POLA1: variants seen among roughly 807,000 people sequenced by gnomAD.
POLA1 encodes DNA polymerase alpha 1, catalytic subunit.
Under a neutral mutation model 124.0 loss-of-function variants are expected in POLA1, and 15 were observed. The ratio of observed to expected loss-of-function variants is 0.12; its 90% CI spans 0.08 to 0.19. The LOEUF (loss-of-function observed/expected upper bound fraction) is 0.19, where lower values mean the gene tolerates loss of function less well. Among genes scored for constraint, POLA1 ranks in the 10% least tolerant of loss-of-function variants. The pLI, the probability that POLA1 is intolerant of heterozygous loss-of-function variation, is 1.00. For missense variants in POLA1, 886 were observed against 1,103.4 expected (o/e 0.80, Z 2.79); for synonymous variants, 408 against 389.4 (o/e 1.05, Z -0.56).
intron 26 of POLA1, among the ~76,000 whole-genome samples, chrX:24,803,808 C>G (rs955213920): frequency 9.2e-6 from 1 of 108,914 alleles, no homozygotes; most frequent in African/African-American, 3.4e-5. Context: ...TGTGAGGAAT[C>G]TCAACCTCTT....
intron 20 of POLA1, 107 bp downstream of exon 20, chrX:24,739,657 A>AG: frequency 2.1e-6 from 1 of 469,092 alleles, no homozygotes; most frequent in Non-Finnish European, 3.5e-6. Context: ...GGTGTTGTAG[A>AG]GGGGAAATTG....
intron 4 of POLA1, among the ~76,000 whole-genome samples, 163 bp from the exon 5 acceptor site, chrX:24,714,391 C>T (rs775364301): frequency 8.9e-5 from 10 of 112,397 alleles, no homozygotes; most frequent in African/African-American, 3.2e-4. Flanking sequence ...CTCCTGATCT[C>T]GTGATCCTCC....
chrX:24,810,816 GA>G lies in POLA1; in HGVS notation c.3090+19del. On this transcript the variant is annotated intron_variant, in intron 28 of 36. Coordinates refer to ENST00000379068, the MANE Select transcript of POLA1 (RefSeq NM_001330360.2). The stretch of plus-strand genomic sequence containing the variant: ...GGGAAACAAGGTGAGATAATTTTAT[GA>G]AATTATCTGCTTTACCTATTTTTGT... 2.5e-6 allele frequency: 2 copies of G among 794,287 alleles called. No individual in the cohort carries two copies. Among genetic ancestry groups the G allele is most frequent in the Non-Finnish European group, 3.8e-6 (2 of 527,768 alleles). The allele number at this position is 794,287 out of a possible 1,213,427, so 65.5% of individuals were successfully genotyped here.
intron 34 of POLA1, among the ~76,000 whole-genome samples, chrX:24,869,037 G>A (rs11573446): frequency 0.04 from 4,450 of 111,658 alleles, 212 homozygotes; most frequent in African/African-American, 0.14. Flanking sequence ...CTGGTCAAGC[G>A]AACCTCCCAA....
At chrX:24,790,913 A>ATG (rs1185053605) in intron 26 of POLA1, among the ~76,000 whole-genome samples, 1 of 60,199 alleles carries the variant, frequency 1.7e-5, no homozygotes, top group Non-Finnish European at 3.3e-5. Flanking sequence ...ATGTATATGT[A>ATG]TATATATATA....
chrX:24,931,110 C>T (rs1272560315), intron 36 of POLA1, among the ~76,000 whole-genome samples: 4 of 110,964 alleles, frequency 3.6e-5, no homozygotes, highest in Non-Finnish European at 7.5e-5. Flanking sequence ...CACTGTGGGA[C>T]TTAATGGGTC....
chrX:24,880,219 A>G (rs2046985063), intron 34 of POLA1, among the ~76,000 whole-genome samples: 1 of 112,118 alleles, frequency 8.9e-6, no homozygotes, highest in Non-Finnish European at 1.9e-5. Flanking sequence ...AACTGATGGC[A>G]GAGTCTGGTC....
rs550130967 is a variant in POLA1, at chrX:24,780,671, G to T, written c.2965-29227G>T. 2.2e-4 allele frequency among the ~76,000 whole-genome samples: 25 copies of T among 111,965 alleles called. No individual in the cohort carries two copies. The South Asian group carries it at 9.3e-3, about 42-fold the overall frequency. On this transcript the variant is annotated intron_variant, in intron 26 of 36. Transcript: ENST00000379068. Reference sequence around the variant, plus strand: ...GCATTTCTGGGCTAAACCCCACTTGGTCATGTCTATGAATACTTTATTTTT... The same window carrying T: ...GCATTTCTGGGCTAAACCCCACTTGTTCATGTCTATGAATACTTTATTTTT...
At chrX:24,775,524 C>T (rs1311671399) in intron 26 of POLA1, among the ~76,000 whole-genome samples, 1 of 112,106 alleles carries the variant, frequency 8.9e-6, no homozygotes, top group Non-Finnish European at 1.9e-5. Flanking sequence ...CACACGAGCA[C>T]TGTGGGGATG....
chrX:24,938,365 G>T (rs1475682268), intron 36 of POLA1, among the ~76,000 whole-genome samples: 1 of 111,424 alleles, frequency 9.0e-6, no homozygotes, highest in East Asian at 2.8e-4. Context: ...GCAGTGAGCC[G>T]AGATCGCACC....
chrX:24,783,476 T>C (rs1303674990), intron 26 of POLA1, among the ~76,000 whole-genome samples: 2 of 112,162 alleles, frequency 1.8e-5, no homozygotes, highest in African/African-American at 6.5e-5. Context: ...TAACCTTACC[T>C]ACACTCTTTT....
intron 34 of POLA1, among the ~76,000 whole-genome samples, chrX:24,874,329 GTTTA>G (rs2046904909): frequency 8.9e-6 from 1 of 111,931 alleles, no homozygotes; most frequent in African/African-American, 3.2e-5. Context: ...GATTGAGGTT[GTTTA>G]TTTGTTTAAA....
intron 35 of POLA1, 125 bp from the exon 36 acceptor site, chrX:24,930,328 C>T (rs2047756408): frequency 2.0e-6 from 1 of 490,737 alleles, no homozygotes; most frequent in African/African-American, 2.4e-5. Flanking sequence ...CCTTCTTACC[C>T]ACTTTCTTTA....
intron 31 of POLA1, 57 bp downstream of exon 31, chrX:24,821,640 C>T (rs2046090146): frequency 3.3e-6 from 3 of 910,550 alleles, no homozygotes; most frequent in Non-Finnish European, 4.7e-6. Context: ...AAGTAAAATC[C>T]AAATTACCAC....
intron 35 of POLA1, among the ~76,000 whole-genome samples, chrX:24,902,727 A>G (rs1173778205): frequency 9.0e-6 from 1 of 111,621 alleles, no homozygotes; most frequent in Non-Finnish European, 1.9e-5. Context: ...TCACTAAGCT[A>G]TGGAAAATCA....
intron 35 of POLA1, among the ~76,000 whole-genome samples, chrX:24,890,235 G>A (rs1454154538): frequency 3.6e-5 from 4 of 109,934 alleles, no homozygotes; most frequent in Non-Finnish European, 7.6e-5. Flanking sequence ...CTACAGGCGC[G>A]TGCCACCATG....
chrX:24,750,474 T>C (rs1932265597), intron 26 of POLA1, among the ~76,000 whole-genome samples: 1 of 112,436 alleles, frequency 8.9e-6, no homozygotes, highest in Non-Finnish European at 1.9e-5. Context: ...GCTACTGTGT[T>C]GGACAGTGCA....
At chrX:24,700,789 G>A (rs1223141404) in intron 2 of POLA1, among the ~76,000 whole-genome samples, 1 of 111,912 alleles carries the variant, frequency 8.9e-6, no homozygotes, top group East Asian at 2.8e-4. Flanking sequence ...GATTACAGGC[G>A]TGAACCACCA....
At chrX:24,868,443 C>T (rs2046823495) in intron 34 of POLA1, among the ~76,000 whole-genome samples, 1 of 111,801 alleles carries the variant, frequency 8.9e-6, no homozygotes, top group African/African-American at 3.3e-5. Flanking sequence ...CACTAAAAAT[C>T]ATCCTGGGAT....
Sources: gnomAD v4.1 joint callset for allele counts (sites outside exome capture counted in the v4.1 genomes callset) on GRCh38, gnomAD v4.1.1 for gene constraint, MANE v1.5 for transcripts, NCBI Gene and HGNC (gene_info 2026-07-23, HGNC 2026-07-21) for gene names.